Variants in ADPGK observed in about 807,000 individuals in gnomAD.
The protein encoded by ADPGK is ADP-dependent glucokinase.
In ADPGK, 26 loss-of-function variants were observed where a neutral mutation model predicts 42.4. That is an observed-to-expected ratio of 0.61 (90% confidence interval 0.45 to 0.85). The LOEUF (loss-of-function observed/expected upper bound fraction) is 0.85, where lower values mean the gene tolerates loss of function less well. ADPGK is among the 40% of genes least tolerant of loss of function. ADPGK has a pLI of 0.00. For synonymous variants in ADPGK, 267 were observed against 252.6 expected, an observed-to-expected ratio of 1.06 and a Z score of -0.54; for missense variants, 571 against 627.0, an observed-to-expected ratio of 0.91 and a Z score of 0.95.
chr15:72,772,808 A>C (rs996434647), intron 2 of ADPGK, among the ~76,000 whole-genome samples: 31 of 152,130 alleles, frequency 2.0e-4, no homozygotes, highest in African/African-American at 7.0e-4. Flanking sequence ...TAAACACCAC[A>C]TCTCTCAGCT....
At chr15:72,775,272 GATTT>G (rs2066378218) in intron 1 of ADPGK, 175 bp from the exon 2 acceptor site, 6 of 605,668 alleles carry the variant, frequency 9.9e-6, no homozygotes, top group Non-Finnish European at 1.8e-5. Flanking sequence ...ACTTTAACTG[GATTT>G]ATGTATTAGC....
At position 72,783,509 on chromosome 15, in the gene ADPGK, C is replaced by G. The variant is rs1595811108; in HGVS notation, c.183G>C (p.Trp61Cys). 6.8e-6 allele frequency: 10 copies of G among 1,471,262 alleles called. No homozygotes were observed. In the East Asian group the frequency reaches 2.8e-4, roughly 42 times the overall value. The allele number at this position is 1,471,262 out of a possible 1,614,324, so 91.1% of individuals were successfully genotyped here. A position where few individuals can be genotyped will look rare whatever the true frequency, so the allele number is the denominator to read the frequency against. ...VSPEGRLAAA[W>C]DALIVRPVRR... The stretch of plus-strand genomic sequence containing the variant: ...GGACTGGCCGCACGATAAGCGCGTC[C>G]CAGGCTGCCGCCAACCGGCCCTCGG... Residue 61 changes from tryptophan (W) to cysteine (C), a missense_variant, in exon 1 of 7, where the codon TGG (tryptophan) becomes TGC (cysteine). Around this residue, in one of 2 missense-constraint regions of ADPGK, gnomAD observed 137 missense variants for 104.2 expected, o/e 1.31. Transcript: ENST00000456471.
chr15:72,764,193 G>A (rs1321802442), intron 3 of ADPGK, among the ~76,000 whole-genome samples: 1 of 152,212 alleles, frequency 6.6e-6, no homozygotes, highest in Admixed American at 6.5e-5. Context: ...AGAAAGCTGA[G>A]TAAAGCCTCT....
chr15:72,771,721 G>A, intron 3 of ADPGK, 62 bp downstream of exon 3: 1 of 1,455,370 alleles, frequency 6.9e-7, no homozygotes. Context: ...ACTCATTCTT[G>A]CTCCTAAAAT....
intron 3 of ADPGK, among the ~76,000 whole-genome samples, chr15:72,768,114 A>C (rs2066281608): frequency 1.3e-5 from 2 of 152,300 alleles, no homozygotes; most frequent in South Asian, 4.1e-4. Context: ...AGAGATCTTA[A>C]AGGAATAATA....
chr15:72,769,309 A>G (rs1285110660), intron 3 of ADPGK, among the ~76,000 whole-genome samples: 2 of 152,258 alleles, frequency 1.3e-5, no homozygotes, highest in Admixed American at 1.3e-4. Context: ...AGCATTTGAC[A>G]AAATAAAATA....
chr15:72,774,847 T>C (rs748246064), intron 2 of ADPGK, 25 bp downstream of exon 2: 2 of 1,581,228 alleles, frequency 1.3e-6, no homozygotes, highest in Non-Finnish European at 1.7e-6. Context: ...CCACCCTTAA[T>C]TTACTATTGC....
intron 3 of ADPGK, among the ~76,000 whole-genome samples, chr15:72,768,586 T>G (rs2066288071): frequency 6.6e-6 from 1 of 151,930 alleles, no homozygotes; most frequent in Admixed American, 6.6e-5. Context: ...GAGAATCACT[T>G]GAACCTGAGA....
At position 72,760,393 on chromosome 15, in the gene ADPGK, A is replaced by T; in HGVS notation, c.643+14T>A. ...TTGACTGGTCTTGCCACCATTACTT[A>T]CTCATTTCCTTACCTGCTTGATACT... On this transcript the variant is annotated intron_variant, in intron 4 of 6. Coordinates refer to ENST00000456471, the MANE Select transcript of ADPGK (RefSeq NM_001365225.1). The T allele has an allele frequency of 6.3e-7, 1 of 1,581,616 alleles. No individual in the cohort carries two copies. The highest frequency in any genetic ancestry group is 8.7e-7 in the Non-Finnish European group (1 of 1,155,274).
chr15:72,775,919 T>C (rs2066387022), intron 1 of ADPGK, among the ~76,000 whole-genome samples: 1 of 152,218 alleles, frequency 6.6e-6, no homozygotes, highest in African/African-American at 2.4e-5. Context: ...TACATATACA[T>C]GAGATATCTT....
At chr15:72,772,400 A>G (rs552372360) in intron 2 of ADPGK, among the ~76,000 whole-genome samples, 94 of 151,994 alleles carry the variant, frequency 6.2e-4, no homozygotes, top group Non-Finnish European at 1.0e-3. Flanking sequence ...TTCCATTAGG[A>G]CACCCTCCCT....
At chr15:72,774,801 T>C in intron 2 of ADPGK, 71 bp downstream of exon 2, 1 of 1,410,152 alleles carries the variant, frequency 7.1e-7, no homozygotes, top group Non-Finnish European at 9.7e-7. Flanking sequence ...AGTTGCTTGC[T>C]TGCTTCTAGG....
intron 3 of ADPGK, among the ~76,000 whole-genome samples, chr15:72,765,669 G>A (rs764670973): frequency 2.0e-5 from 3 of 152,174 alleles, no homozygotes; most frequent in Admixed American, 1.3e-4. Context: ...CCTCTTGGAC[G>A]CCTTTTGAGA....
At chr15:72,775,191 C>A in intron 1 of ADPGK, 94 bp from the exon 2 acceptor site, 3 of 1,104,034 alleles carry the variant, frequency 2.7e-6, no homozygotes, top group Non-Finnish European at 4.0e-6. Flanking sequence ...GAACCTTATT[C>A]AACAGAAAAA....
chr15:72,764,992 C>T (rs920890359), intron 3 of ADPGK, among the ~76,000 whole-genome samples: 1 of 89,988 alleles, frequency 1.1e-5, no homozygotes, highest in Non-Finnish European at 2.5e-5. Context: ...AGAACTACTG[C>T]TCAGAAAAAA....
At chr15:72,768,523 C>T (rs2066287220) in intron 3 of ADPGK, among the ~76,000 whole-genome samples, 1 of 152,076 alleles carries the variant, frequency 6.6e-6, no homozygotes, top group Non-Finnish European at 1.5e-5. Context: ...CAAAAATTAG[C>T]TGGGCATGGT....
At chr15:72,765,652 T>C (rs1328630646) in intron 3 of ADPGK, among the ~76,000 whole-genome samples, 1 of 152,230 alleles carries the variant, frequency 6.6e-6, no homozygotes, top group Non-Finnish European at 1.5e-5. Context: ...AAGAGATTGA[T>C]TCTAACCCTC....
intron 3 of ADPGK, among the ~76,000 whole-genome samples, chr15:72,763,097 G>A (rs1261127862): frequency 6.6e-6 from 1 of 152,186 alleles, no homozygotes; most frequent in Non-Finnish European, 1.5e-5. Context: ...CGCACCACAA[G>A]CAATGTTAAA....
Position 72,783,726 on chromosome 15 carries a change from C to A in ADPGK, c.-35G>T. The A allele has an allele frequency of 7.1e-7, 1 of 1,417,580 alleles. No individual in the cohort carries two copies. Among genetic ancestry groups the A allele is most frequent in the Non-Finnish European group, 9.2e-7 (1 of 1,090,296 alleles). 87.8% of individuals were successfully genotyped at this position (1,417,580 alleles called of 1,614,324 possible). A position where few individuals can be genotyped will look rare whatever the true frequency, so the allele number is the denominator to read the frequency against. On this transcript the variant is annotated 5_prime_UTR_variant, in exon 1 of 7. Coordinates refer to ENST00000456471, the MANE Select transcript of ADPGK (RefSeq NM_001365225.1). ...GGCGCCGCACCTGCGCGAACCAACT[C>A]CTTTCCTAGCCCGCGCCTCTTCCGG...
Sources: allele counts gnomAD v4.1 joint callset (sites outside exome capture counted in the v4.1 genomes callset), GRCh38; gene constraint gnomAD v4.1.1; regional missense constraint gnomAD v4.1.1; transcripts MANE v1.5; gene names NCBI Gene and HGNC (gene_info 2026-07-23, HGNC 2026-07-21).